Variants in HSPB8 observed in about 807,000 individuals in gnomAD.
HSPB8 encodes heat shock protein beta-8.
A neutral mutation model predicts 16.5 loss-of-function variants in HSPB8; 9 were observed. The observed-to-expected ratio is 0.55, with a 90% CI of 0.33 to 0.95. The LOEUF (loss-of-function observed/expected upper bound fraction) is 0.95, where lower values mean the gene tolerates loss of function less well. Among genes scored for constraint, HSPB8 ranks in the 40% least tolerant of loss-of-function variants. The probability of loss-of-function intolerance (pLI) is 0.03; values close to 1 mark genes in which losing one functional copy is unlikely to be tolerated. For missense variants in HSPB8, 238 were observed against 251.2 expected (o/e 0.95, Z 0.35); for synonymous variants, 99 against 94.8 (o/e 1.04, Z -0.26).
intron 1 of HSPB8, among the ~76,000 whole-genome samples, chr12:119,180,849 GT>G (rs747687679): frequency 2.2e-4 from 34 of 152,184 alleles, no homozygotes; most frequent in Non-Finnish European, 4.4e-4. Context: ...TTCAGGGGGA[GT>G]TTCAAGCCAG....
chr12:119,182,456 T>C (rs1277727403), intron 1 of HSPB8, among the ~76,000 whole-genome samples: 1 of 152,014 alleles, frequency 6.6e-6, no homozygotes, highest in Non-Finnish European at 1.5e-5. Flanking sequence ...CTGGTCAACA[T>C]GGCGAAACCC....
chr12:119,192,807 G>A (rs186964827), intron 2 of HSPB8, among the ~76,000 whole-genome samples: 43 of 152,264 alleles, frequency 2.8e-4, no homozygotes, highest in Admixed American at 1.4e-3. Flanking sequence ...CCACATGGCT[G>A]GGGAGGCCTC....
intron 2 of HSPB8, among the ~76,000 whole-genome samples, chr12:119,192,273 G>C (rs991575768): frequency 3.3e-5 from 5 of 152,174 alleles, no homozygotes; most frequent in Non-Finnish European, 7.3e-5. Context: ...TCTCTGTTTA[G>C]TGATCTGTAG....
In HSPB8 at chr12:119,194,704, AT is replaced by A. The variant is rs1312210062; in HGVS notation, c.*848del. Reference sequence around the variant, plus strand: ...GTTTAGGGGTAAATAACAGTAAATAATTAATAATAATAATAATAATAATAAA... The same window carrying A: ...GTTTAGGGGTAAATAACAGTAAATAATAATAATAATAATAATAATAATAAA... On this transcript the variant is annotated 3_prime_UTR_variant, in exon 3 of 3. Coordinates refer to ENST00000281938, the MANE Select transcript of HSPB8 (RefSeq NM_014365.3). 8.0e-4 allele frequency: 175 copies of A among 219,768 alleles called. 1 individual carries two copies. In the East Asian group the frequency reaches 0.011, roughly 14 times the overall value. The allele number at this position is 219,768 out of a possible 1,614,324, so 13.6% of individuals were successfully genotyped here. A position where few individuals can be genotyped will look rare whatever the true frequency, so the allele number is the denominator to read the frequency against.
At chr12:119,184,454 C>A (rs1954660582) in intron 1 of HSPB8, among the ~76,000 whole-genome samples, 1 of 152,148 alleles carries the variant, frequency 6.6e-6, no homozygotes, top group South Asian at 2.1e-4. Flanking sequence ...GGCCTGTCCC[C>A]AGGGGAAGCA....
In HSPB8 at chr12:119,193,684, G is replaced by T; in HGVS notation, c.432-15G>T. 3 of 1,613,158 alleles carry T rather than the reference G, an allele frequency of 1.9e-6. No homozygotes were observed. Among genetic ancestry groups the T allele is most frequent in the Non-Finnish European group, 2.5e-6 (3 of 1,179,128 alleles). On this transcript the variant is annotated splice_polypyrimidine_tract_variant and intron_variant, in intron 2 of 2. Transcript: ENST00000281938. ...TTAACAACAATAAATGAATAAAATC[G>T]TGTGTTTCTCCTAGGCTTCCTGCAG...
rs759289686 is a variant in HSPB8, at chr12:119,179,344, A to C, written c.32A>C (p.His11Pro). 6.2e-7 allele frequency: 1 copy of C among 1,614,018 alleles called. No individual in the cohort carries two copies. Among genetic ancestry groups the C allele is most frequent in the Non-Finnish European group, 8.5e-7 (1 of 1,180,010 alleles). MADGQMPFSC[H>P]YPSRLRRDPF... The stretch of plus-strand genomic sequence containing the variant: ...GACGGTCAGATGCCCTTCTCCTGCC[A>C]CTACCCAAGCCGCCTGCGCCGAGAC... The change falls in exon 1 of 3, where the codon CAC becomes CCC. Residue 11 changes from histidine (H) to proline (P), a missense_variant. Physicochemically the swap from His to Pro is moderately conservative, Grantham distance 77. Coordinates refer to ENST00000281938, the MANE Select transcript of HSPB8 (RefSeq NM_014365.3).
chr12:119,182,212 G>C (rs767840540), intron 1 of HSPB8: 3 of 152,164 alleles, frequency 2.0e-5, no homozygotes, highest in African/African-American at 4.8e-5. Flanking sequence ...GCTTAAATAA[G>C]ACAAAGACAA....
At chr12:119,187,214 T>A in intron 2 of HSPB8, 126 bp downstream of exon 2, 1 of 762,564 alleles carries the variant, frequency 1.3e-6, no homozygotes, top group African/African-American at 1.7e-5. Context: ...GGCAGGGAAT[T>A]GAACCCTCAC....
chr12:119,181,209 TC>T (rs1954634843), intron 1 of HSPB8, among the ~76,000 whole-genome samples: 2 of 152,156 alleles, frequency 1.3e-5, no homozygotes, highest in South Asian at 4.2e-4. Context: ...TTGAGGACAC[TC>T]CCATGACACA....
chr12:119,190,736 T>A (rs534685889), intron 2 of HSPB8, among the ~76,000 whole-genome samples: 2 of 152,256 alleles, frequency 1.3e-5, no homozygotes, highest in East Asian at 3.9e-4. Flanking sequence ...ATGAAATAAA[T>A]CCAATGAAAG....
chr12:119,186,664 A>G (rs1954677932), intron 1 of HSPB8: 1 of 307,466 alleles, frequency 3.3e-6, no homozygotes, highest in Non-Finnish European at 6.3e-6. Flanking sequence ...TTCTACTGGC[A>G]GGTTAGAGAA....
At chr12:119,182,059 C>T (rs1954641540) in intron 1 of HSPB8, 1 of 152,182 alleles carries the variant, frequency 6.6e-6, no homozygotes, top group Non-Finnish European at 1.5e-5. Context: ...GGGTTTTTCA[C>T]CATCCTCTTT....
At chr12:119,190,892 A>G (rs1954708374) in intron 2 of HSPB8, among the ~76,000 whole-genome samples, 1 of 152,224 alleles carries the variant, frequency 6.6e-6, no homozygotes, top group Non-Finnish European at 1.5e-5. Context: ...CTTCAGATGT[A>G]AGTAGAAGCA....
chr12:119,185,583 C>T (rs1393025482), intron 1 of HSPB8, among the ~76,000 whole-genome samples: 4 of 152,120 alleles, frequency 2.6e-5, no homozygotes, highest in African/African-American at 4.8e-5. Context: ...CCACCTGCCT[C>T]GGCCTCCCAA....
chr12:119,193,641 A>C (rs980689045), intron 2 of HSPB8, 58 bp from the exon 3 acceptor site: 6 of 1,568,398 alleles, frequency 3.8e-6, no homozygotes, highest in Non-Finnish European at 5.3e-6. Context: ...AAGTGAATAA[A>C]AGAATGTTTA....
rs1654201495 is a variant in HSPB8 at position 119,179,550 on chromosome 12, G to T, written c.238G>T (p.Gly80Trp). The T allele has an allele frequency of 1.9e-6, 3 of 1,613,454 alleles. No individual in the cohort carries two copies. The highest frequency in any genetic ancestry group is 1.7e-5 in the Admixed American group (1 of 59,964). ...PRGPTATARF[G>W]VPAEGRTPPP... ...GGGCCCCACTGCCACCGCCAGGTTT[G>T]GGGTGCCTGCCGAGGGCAGGACCCC... Residue 80 changes from glycine (G) to tryptophan (W), a missense_variant, in exon 1 of 3, where the codon GGG becomes TGG. Transcript: ENST00000281938.
In HSPB8 at chr12:119,194,240, C is replaced by T. The variant is rs556102970; in HGVS notation, c.*382C>T. The T allele has an allele frequency of 1.5e-4, 46 of 308,858 alleles. No individual in the cohort carries two copies. Among genetic ancestry groups the T allele is most frequent in the African/African-American group, 9.1e-4 (42 of 46,016 alleles). 19.1% of individuals were successfully genotyped at this position (308,858 alleles called of 1,614,324 possible). On this transcript the variant is annotated 3_prime_UTR_variant, in exon 3 of 3. Transcript: ENST00000281938. ...CTCCCCCATCACCCAGGTTCCTACT[C>T]TGGGCTCCCGATTCCCATGGCTCCC...
intron 1 of HSPB8, 38 bp downstream of exon 1, chr12:119,179,717 C>G (rs191192762): frequency 1.3e-6 from 2 of 1,542,390 alleles, no homozygotes; most frequent in Non-Finnish European, 1.7e-6. Context: ...ATGGGGAGGC[C>G]GGGATGTAGC....
Sources: gnomAD v4.1 joint callset for allele counts (sites outside exome capture counted in the v4.1 genomes callset) on GRCh38, gnomAD v4.1.1 for gene constraint, MANE v1.5 for transcripts, NCBI Gene and HGNC (gene_info 2026-07-23, HGNC 2026-07-21) for gene names.